Variants in ZNF527 observed in about 807,000 individuals in gnomAD.
ZNF527 encodes zinc finger protein 527.
In ZNF527, 5 loss-of-function variants were observed where a neutral mutation model predicts 13.5. The observed-to-expected ratio is 0.37, with a 90% CI of 0.19 to 0.78. The LOEUF is 0.78. Ranked by LOEUF, ZNF527 falls within the 30% of genes least tolerant of loss-of-function variation. The pLI is 0.48. For missense variants in ZNF527, 628 were observed against 726.4 expected (o/e 0.86, Z 1.56); for synonymous variants, 209 against 243.1 (o/e 0.86, Z 1.30).
intron 2 of ZNF527, among the ~76,000 whole-genome samples, chr19:37,375,738 A>G (rs2040602800): frequency 6.6e-6 from 1 of 152,086 alleles, no homozygotes; most frequent in Non-Finnish European, 1.5e-5. Context: ...TAGGAAAGAG[A>G]TCGAAGGACT....
rs117619755 is a variant in ZNF527 at position 37,371,648 on chromosome 19, C to G, written c.-42+422C>G. Among the ~76,000 whole-genome samples the G allele has an allele frequency of 6.3e-3, 957 of 152,288 alleles. 25 individuals are homozygous for G. The highest frequency in any genetic ancestry group is 0.052 in the East Asian group (271 of 5,164). The stretch of plus-strand genomic sequence containing the variant: ...TGTGACAGCAAGTGTGATTGTGCGA[C>G]TATGACCATCTGTCTCCGCAGGTAT... On this transcript the variant is annotated intron_variant, in intron 1 of 4. Transcript: ENST00000436120.
At position 37,379,166 on chromosome 19, in the gene ZNF527, A is replaced by C. The variant is rs1234279831; in HGVS notation, c.80A>C (p.Glu27Ala). The C allele has an allele frequency of 1.2e-6, 2 of 1,613,864 alleles. No individual in the cohort carries two copies. Among genetic ancestry groups the C allele is most frequent in the African/African-American group, 2.7e-5 (2 of 74,876 alleles). The change falls in exon 3 of 5, where the codon GAG (glutamate) becomes GCG (alanine). Residue 27 changes from glutamate (E) to alanine (A), a missense_variant. Physicochemically the swap from Glu to Ala is moderately radical, Grantham distance 107. Around this residue, in one of 3 missense-constraint regions of ZNF527, gnomAD observed 33 missense variants for 31.2 expected, o/e 1.06. Transcript: ENST00000436120. The part of the protein sequence containing the change: ...RDVALDFSQE[E>A]WEWLKPSQKD... ...GTGGCGCTAGACTTTTCCCAAGAAGAGTGGGAATGGCTGAAGCCATCTCAG... is the reference window on the plus strand; with the variant it reads ...GTGGCGCTAGACTTTTCCCAAGAAGCGTGGGAATGGCTGAAGCCATCTCAG...
chr19:37,388,417 G>A lies in ZNF527; in HGVS notation c.368G>A (p.Cys123Tyr). 1.2e-6 allele frequency: 2 copies of A among 1,614,128 alleles called. No individual in the cohort carries two copies. The highest frequency in any genetic ancestry group is 1.6e-4 in the Middle Eastern group (1 of 6,062). ...MERLASHGLE[C>Y]SSFREAWKYK... ...AGGCTAGCAAGTCATGGCCTTGAAT[G>A]CTCCAGTTTCAGAGAAGCCTGGAAA... The change falls in exon 5 of 5, where the codon TGC becomes TAC. Residue 123 changes from cysteine to tyrosine, a missense_variant. Cys to Tyr is a radical substitution (Grantham distance 194, BLOSUM62 -2). Around this residue, in one of 3 missense-constraint regions of ZNF527, gnomAD observed 592 missense variants for 678.0 expected, o/e 0.87. Transcript: ENST00000436120.
At chr19:37,379,720 C>T (rs2040637585) in intron 3 of ZNF527, 1 of 154,878 alleles carries the variant, frequency 6.5e-6, no homozygotes, top group African/African-American at 2.4e-5. Context: ...ACCTTGACCT[C>T]CCAAAGTGTT....
chr19:37,374,223 A>T lies in ZNF527; in HGVS notation c.25A>T (p.Met9Leu), dbSNP rs1344406490. ...AATGGCTGTGGGGCTTTGTAAAGCC[A>T]TGTCCCAGGTAAGCATGCTCTTTCA... MAVGLCKAMSQGLVTFRDV... is the reference protein window; with the variant it reads MAVGLCKALSQGLVTFRDV... Residue 9 changes from methionine (M) to leucine (L), a missense_variant, in exon 2 of 5, where the codon ATG (methionine) becomes TTG (leucine). Physicochemically the swap from Met to Leu is conservative, Grantham distance 15 (BLOSUM62 2). This residue lies in a region of ZNF527 where 33 missense variants were observed against 31.2 expected (regional missense o/e 1.06). Coordinates refer to ENST00000436120, the MANE Select transcript of ZNF527 (RefSeq NM_032453.2). 3.1e-6 allele frequency: 5 copies of T among 1,614,026 alleles called. No homozygotes were observed. The highest frequency in any genetic ancestry group is 4.2e-6 in the Non-Finnish European group (5 of 1,180,016).
In ZNF527 at chr19:37,391,109, G is replaced by C. The variant is rs1165227207; in HGVS notation, c.*1230G>C. ...CAGTGACTCACCATTTGCCTGTAAA[G>C]AGAGAATGGAAAGCTAAGAGAATAA... On this transcript the variant is annotated 3_prime_UTR_variant, in exon 5 of 5. Transcript: ENST00000436120. 6.6e-6 allele frequency: 1 copy of C among 152,208 alleles called. No individual in the cohort carries two copies. The highest frequency in any genetic ancestry group is 1.5e-5 in the Non-Finnish European group (1 of 68,042). The allele number at this position is 152,208 out of a possible 1,614,324, so 9.4% of individuals were successfully genotyped here. A position where few individuals can be genotyped will look rare whatever the true frequency, so the allele number is the denominator to read the frequency against.
chr19:37,372,076 T>C (rs2040561829), intron 1 of ZNF527, among the ~76,000 whole-genome samples: 5 of 150,532 alleles, frequency 3.3e-5, no homozygotes, highest in Non-Finnish European at 7.4e-5. Flanking sequence ...CTCGGCTCAC[T>C]GCAACCTCCG....
At chr19:37,374,288 G>A (rs1568690962) in intron 2 of ZNF527, 57 bp downstream of exon 2, 2 of 1,565,946 alleles carry the variant, frequency 1.3e-6, no homozygotes, top group Non-Finnish European at 1.8e-6. Flanking sequence ...TCAGGACTTT[G>A]GGACCACAGG....
intron 4 of ZNF527, chr19:37,385,246 G>T: frequency 4.5e-6 from 2 of 447,660 alleles, no homozygotes; most frequent in South Asian, 1.3e-4. Flanking sequence ...TTTTGACTTT[G>T]TGTTTTCTCC....
In ZNF527 at chr19:37,379,059, T is replaced by G. The variant is rs1170653519; in HGVS notation, c.34-61T>G. ...GCTTTGAACTCTGGCCAAATTCATC[T>G]TTTTTGCTAGGACCATATAGGTGTC... is the stretch of plus-strand genomic sequence containing the variant. On this transcript the variant is annotated intron_variant, in intron 2 of 4. Transcript: ENST00000436120. 2.5e-6 allele frequency: 4 copies of G among 1,601,076 alleles called. No individual in the cohort carries two copies. The East Asian group carries it at 9.0e-5, about 36-fold the overall frequency.
Position 37,388,198 on chromosome 19 carries a change from C to T in ZNF527, c.257-108C>T, listed in dbSNP as rs1443711707. On this transcript the variant is annotated intron_variant, in intron 4 of 4. Coordinates refer to ENST00000436120, the MANE Select transcript of ZNF527 (RefSeq NM_032453.2). ...ATTTGGGAGCTATTAGAACCACAGACTTTCTACCCTCCTTCCCCCCAGTTA... is the reference window on the plus strand; with the variant it reads ...ATTTGGGAGCTATTAGAACCACAGATTTTCTACCCTCCTTCCCCCCAGTTA... The T allele has an allele frequency of 5.3e-6, 7 of 1,318,794 alleles. No individual in the cohort carries two copies. In the African/African-American group the frequency reaches 1.0e-4, roughly 19 times the overall value. The allele number at this position is 1,318,794 out of a possible 1,614,324, so 81.7% of individuals were successfully genotyped here.
At chr19:37,378,155 G>T (rs974921735) in intron 2 of ZNF527, among the ~76,000 whole-genome samples, 13 of 151,694 alleles carry the variant, frequency 8.6e-5, no homozygotes, top group Non-Finnish European at 1.3e-4. Context: ...AGCCTCCCGA[G>T]TAGTTGGGAC....
rs1214498716 is a variant in ZNF527, at chr19:37,391,227, A to G, written c.*1348A>G. Reference sequence around the variant, plus strand: ...GGGTCTAAACATATTCTGTGGCAGAATATAATAACAATTAAATTGTAAATG... The same window carrying G: ...GGGTCTAAACATATTCTGTGGCAGAGTATAATAACAATTAAATTGTAAATG... On this transcript the variant is annotated 3_prime_UTR_variant, in exon 5 of 5. Transcript: ENST00000436120. 1.3e-5 allele frequency: 2 copies of G among 152,190 alleles called. No homozygotes were observed. Among genetic ancestry groups the G allele is most frequent in the African/African-American group, 2.4e-5 (1 of 41,434 alleles). 9.4% of individuals were successfully genotyped at this position (152,190 alleles called of 1,614,324 possible).
Position 37,390,043 on chromosome 19 carries a change from T to A in ZNF527, c.*164T>A. The stretch of plus-strand genomic sequence containing the variant: ...TAGTAGACATCTGTTACTTTTTTTT[T>A]TTTCAGACAGAGTCTCGCTCTGTTG... On this transcript the variant is annotated 3_prime_UTR_variant, in exon 5 of 5. Transcript: ENST00000436120. 1 of 908,414 alleles carries A rather than the reference T, an allele frequency of 1.1e-6. No individual in the cohort carries two copies. 56.3% of individuals were successfully genotyped at this position (908,414 alleles called of 1,614,324 possible).
In ZNF527 at chr19:37,389,849, T is replaced by A; in HGVS notation, c.1800T>A (p.His600Gln). The A allele has an allele frequency of 6.2e-7, 1 of 1,605,454 alleles. No homozygotes were observed. The highest frequency in any genetic ancestry group is 1.1e-5 in the South Asian group (1 of 89,766). ...NFSCVSALRRHQRIHNRETL is the reference protein window; with the variant it reads ...NFSCVSALRRQQRIHNRETL ...GCTGTGTCTCAGCCCTTAGACGACATCAGAGAATTCATAATAGAGAAACGC... is the reference window on the plus strand; with the variant it reads ...GCTGTGTCTCAGCCCTTAGACGACAACAGAGAATTCATAATAGAGAAACGC... The change falls in exon 5 of 5, where the codon CAT becomes CAA. Residue 600 changes from histidine to glutamine, a missense_variant. Physicochemically the swap from His to Gln is conservative, Grantham distance 24 (BLOSUM62 0). Around this residue, in one of 3 missense-constraint regions of ZNF527, gnomAD observed 592 missense variants for 678.0 expected, o/e 0.87. Transcript: ENST00000436120.
At chr19:37,380,404 A>G (rs756941832) in intron 4 of ZNF527, 32 bp downstream of exon 4, 3 of 1,589,686 alleles carry the variant, frequency 1.9e-6, no homozygotes, top group Admixed American at 3.4e-5. Flanking sequence ...AGGGAGGACT[A>G]TTGTAAGGTA....
Position 37,389,184 on chromosome 19 carries a change from A to G in ZNF527, c.1135A>G (p.Ile379Val), listed in dbSNP as rs1446831129. 8 of 1,614,106 alleles carry G rather than the reference A, an allele frequency of 5.0e-6. No homozygotes were observed. In the East Asian group the frequency reaches 1.8e-4, roughly 36 times the overall value. The change falls in exon 5 of 5, where the codon ATT becomes GTT. Residue 379 changes from isoleucine to valine, a missense_variant. Around this residue, in one of 3 missense-constraint regions of ZNF527, gnomAD observed 592 missense variants for 678.0 expected, o/e 0.87. Transcript: ENST00000436120. ...RYAFLVEHQR[I>V]HTGEKPYECK... ...TGCCTTCCTTGTTGAACATCAGAGA[A>G]TTCACACAGGTGAGAAACCATATGA... is the stretch of plus-strand genomic sequence containing the variant.
Position 37,390,709 on chromosome 19 carries a change from C to G in ZNF527, c.*830C>G, listed in dbSNP as rs2040745326. ...ATCTCCTGGATCCAGTCATTCCTGA[C>G]AGCTACACCATCACCATCCTTTTTC... On this transcript the variant is annotated 3_prime_UTR_variant, in exon 5 of 5. Transcript: ENST00000436120. 6.6e-6 allele frequency: 1 copy of G among 152,148 alleles called. No individual in the cohort carries two copies. Among genetic ancestry groups the G allele is most frequent in the South Asian group, 2.1e-4 (1 of 4,826 alleles). 9.4% of individuals were successfully genotyped at this position (152,148 alleles called of 1,614,324 possible).
In ZNF527 at chr19:37,389,688, A is replaced by G. The variant is rs1568699478; in HGVS notation, c.1639A>G (p.Ile547Val). 1 of 1,614,108 alleles carries G rather than the reference A, an allele frequency of 6.2e-7. No homozygotes were observed. Among genetic ancestry groups the G allele is most frequent in the Non-Finnish European group, 8.5e-7 (1 of 1,180,022 alleles). Residue 547 changes from isoleucine (I) to valine (V), a missense_variant, in exon 5 of 5, where the codon ATT (isoleucine) becomes GTT (valine). Transcript: ENST00000436120. The stretch of plus-strand genomic sequence containing the variant: ...CTCATATCTTAATCAACATCAAAGA[A>G]TTCATACTGGAGAGAAACCCTATGA... ...CGSYLNQHQRIHTGEKPYECS... is the reference protein window; with the variant it reads ...CGSYLNQHQRVHTGEKPYECS...
Sources: allele counts gnomAD v4.1 joint callset (sites outside exome capture counted in the v4.1 genomes callset), GRCh38; gene constraint gnomAD v4.1.1; regional missense constraint gnomAD v4.1.1; transcripts MANE v1.5; gene names NCBI Gene and HGNC (gene_info 2026-07-23, HGNC 2026-07-21).